The following SHC3 variants were observed in gnomAD, a reference collection of about 807,000 sequenced individuals.
SHC3 encodes the protein SHC-transforming protein 3.
Under a neutral mutation model 60.4 loss-of-function variants are expected in SHC3, and 15 were observed. That is an observed-to-expected ratio of 0.25 (90% CI 0.17 to 0.38). The LOEUF is 0.38. SHC3 is among the 10% of genes least tolerant of loss of function. The pLI is 1.00. For missense variants in SHC3, 677 were observed against 786.1 expected (o/e 0.86, Z 1.66); for synonymous variants, 294 against 325.9 (o/e 0.90, Z 1.05).
intron 10 of SHC3, among the ~76,000 whole-genome samples, chr9:89,041,431 A>G (rs939308468): frequency 6.6e-6 from 1 of 152,208 alleles, no homozygotes; most frequent in African/African-American, 2.4e-5. Flanking sequence ...TTTCCTGTAT[A>G]TCTCCATCAA....
intron 4 of SHC3, among the ~76,000 whole-genome samples, chr9:89,071,610 G>A (rs1825272915): frequency 1.3e-5 from 2 of 152,142 alleles, no homozygotes; most frequent in South Asian, 4.1e-4. Context: ...GGCGTATAGA[G>A]CACCCTTAAC....
chr9:89,011,860 C>T lies in SHC3; in HGVS notation c.*1587G>A, dbSNP rs1826017071. 6.6e-6 allele frequency: 1 copy of T among 152,294 alleles called. No homozygotes were observed. Among genetic ancestry groups the T allele is most frequent in the Admixed American group, 6.5e-5 (1 of 15,280 alleles). The allele number at this position is 152,294 out of a possible 1,614,324, so 9.4% of individuals were successfully genotyped here. On this transcript the variant is annotated 3_prime_UTR_variant, in exon 12 of 12. Coordinates refer to ENST00000375835, the MANE Select transcript of SHC3 (RefSeq NM_016848.6). ...AAGGCTGGGGCCTGCCCTGACTCAT[C>T]CTCACTGGTTAGCTCTAACCTGTCC...
intron 4 of SHC3, among the ~76,000 whole-genome samples, chr9:89,073,943 T>G (rs1825314232): frequency 6.6e-6 from 1 of 152,152 alleles, no homozygotes; most frequent in Admixed American, 6.5e-5. Context: ...ATATTCAGAA[T>G]CCACAACCTC....
At chr9:89,087,910 C>T (rs4877050) in intron 2 of SHC3, among the ~76,000 whole-genome samples, 1 of 152,170 alleles carries the variant, frequency 6.6e-6, no homozygotes, top group Non-Finnish European at 1.5e-5. Flanking sequence ...ACCAACATGA[C>T]AGATAGTAGG....
intron 1 of SHC3, among the ~76,000 whole-genome samples, chr9:89,116,549 A>G (rs1245457139): frequency 6.6e-6 from 1 of 152,214 alleles, no homozygotes; most frequent in East Asian, 1.9e-4. Flanking sequence ...CAACACCAAA[A>G]GATGTGAAAA....
chr9:89,107,142 C>T (rs1001918331), intron 2 of SHC3, among the ~76,000 whole-genome samples: 1 of 152,148 alleles, frequency 6.6e-6, no homozygotes, highest in East Asian at 1.9e-4. Flanking sequence ...CCCTGATGGG[C>T]TGGCTGGAGA....
In SHC3 at chr9:89,065,586, A is replaced by G. The variant is rs770408968; in HGVS notation, c.784-6T>C. On this transcript the variant is annotated splice_region_variant and splice_polypyrimidine_tract_variant and intron_variant, in intron 5 of 11. Coordinates refer to ENST00000375835, the MANE Select transcript of SHC3 (RefSeq NM_016848.6). Reference sequence around the variant, plus strand: ...GCAACATAGTCAGTTGTGTCCTGTTAAAGAAAAAAGAGATGTCTATGTCAC... The same window carrying G: ...GCAACATAGTCAGTTGTGTCCTGTTGAAGAAAAAAGAGATGTCTATGTCAC... 6 of 1,614,066 alleles carry G rather than the reference A, an allele frequency of 3.7e-6. 1 individual carries two copies. The highest frequency in any genetic ancestry group is 3.3e-5 in the South Asian group (3 of 91,070).
intron 6 of SHC3, among the ~76,000 whole-genome samples, chr9:89,057,045 A>T: frequency 6.6e-6 from 1 of 152,216 alleles, no homozygotes; most frequent in East Asian, 1.9e-4. Context: ...GTAGCCTCTG[A>T]TCCAGCCACA....
intron 7 of SHC3, among the ~76,000 whole-genome samples, chr9:89,051,390 A>G (rs1356014091): frequency 1.3e-5 from 2 of 152,186 alleles, no homozygotes; most frequent in Non-Finnish European, 2.9e-5. Flanking sequence ...GAACCTGAAC[A>G]TTTTTTATAA....
intron 1 of SHC3, among the ~76,000 whole-genome samples, chr9:89,130,648 C>A (rs995433752): frequency 2.6e-5 from 4 of 152,182 alleles, no homozygotes; most frequent in Non-Finnish European, 4.4e-5. Flanking sequence ...AACTGAGCAA[C>A]CTGCTCCTGA....
Position 89,178,535 on chromosome 9 carries a change from G to A in SHC3, c.-75C>T. On this transcript the variant is annotated 5_prime_UTR_variant, in exon 1 of 12. Transcript: ENST00000375835. This position sits in a 1 kb window ranked among gnomAD's most constrained non-coding sequence, Gnocchi z 6.9. ...CCGGCGCGGGCTGCCGCGCATAGCA[G>A]GCGAGCCACTGTCCCCGGAGCGGGA... 6 of 1,339,348 alleles carry A rather than the reference G, an allele frequency of 4.5e-6. No homozygotes were observed. Among genetic ancestry groups the A allele is most frequent in the Non-Finnish European group, 4.9e-6 (5 of 1,021,956 alleles). 83.0% of individuals were successfully genotyped at this position (1,339,348 alleles called of 1,614,324 possible).
chr9:89,020,512 C>T (rs1047975499), intron 11 of SHC3, among the ~76,000 whole-genome samples: 6 of 152,116 alleles, frequency 3.9e-5, no homozygotes, highest in South Asian at 2.1e-4. Context: ...CTGTGACGTA[C>T]GTCCATGTCA....
At chr9:89,116,832 C>T (rs1034081421) in intron 1 of SHC3, among the ~76,000 whole-genome samples, 4 of 152,064 alleles carry the variant, frequency 2.6e-5, no homozygotes, top group East Asian at 1.9e-4. Context: ...TAAGTACCAC[C>T]GACACCATAA....
rs1042092587 is a variant in SHC3 at position 89,085,583 on chromosome 9, C to T, written c.546-7680G>A. Among the ~76,000 whole-genome samples the T allele has an allele frequency of 2.6e-5, 4 of 152,182 alleles. No individual in the cohort carries two copies. The South Asian group carries it at 6.2e-4, about 24-fold the overall frequency. ...AAAATAGGCTGAGACAATAGAATTC[C>T]GAATGTAGCCCTGATGGGCAGTCCT... On this transcript the variant is annotated intron_variant, in intron 2 of 11. Coordinates refer to ENST00000375835, the MANE Select transcript of SHC3 (RefSeq NM_016848.6).
At chr9:89,015,283 ACACT>A (rs1319006013) in intron 11 of SHC3, among the ~76,000 whole-genome samples, 3 of 152,190 alleles carry the variant, frequency 2.0e-5, no homozygotes, top group Non-Finnish European at 4.4e-5. Flanking sequence ...TTAACGACTG[ACACT>A]CACGTAAGTT....
intron 2 of SHC3, among the ~76,000 whole-genome samples, chr9:89,092,675 G>A (rs1221464433): frequency 1.3e-5 from 2 of 150,444 alleles, no homozygotes; most frequent in East Asian, 3.9e-4. Context: ...ATCCATTCAA[G>A]GAAAAAGTAG....
chr9:89,056,371 C>T (rs7042914), intron 6 of SHC3, among the ~76,000 whole-genome samples: 14,611 of 152,140 alleles, frequency 0.096, 2,294 homozygotes, highest in African/African-American at 0.33. Flanking sequence ...CTCAGCCTCC[C>T]GAGTAGGTGG....
chr9:89,123,716 TCCTGGCC>T, intron 1 of SHC3, among the ~76,000 whole-genome samples: 1 of 152,182 alleles, frequency 6.6e-6, no homozygotes, highest in Non-Finnish European at 1.5e-5. Flanking sequence ...CACCAAACTT[TCCTGGCC>T]AGAGGAATTT....
intron 1 of SHC3, among the ~76,000 whole-genome samples, chr9:89,136,008 T>G (rs545718498): frequency 1.4e-3 from 215 of 152,304 alleles, no homozygotes; most frequent in Middle Eastern, 0.01. Flanking sequence ...TGAACACTTA[T>G]TAATCTTCCA....
Sources: allele counts gnomAD v4.1 joint callset (sites outside exome capture counted in the v4.1 genomes callset), GRCh38; gene constraint gnomAD v4.1.1; non-coding constraint Gnocchi (gnomAD v3.1); transcripts MANE v1.5; gene names NCBI Gene and HGNC (gene_info 2026-07-23, HGNC 2026-07-21).